Variants in WDFY4 observed in about 807,000 individuals in gnomAD.
WDFY4 encodes the protein WDFY family member 4.
A neutral mutation model predicts 351.9 loss-of-function variants in WDFY4; 169 were observed. That is an observed-to-expected ratio of 0.48 (90% CI 0.42 to 0.55). The LOEUF (loss-of-function observed/expected upper bound fraction) is 0.55, where lower values mean the gene tolerates loss of function less well. Among genes scored for constraint, WDFY4 ranks in the 20% least tolerant of loss-of-function variants. WDFY4 has a pLI of 0.00. For missense variants in WDFY4, 3,803 were observed against 3,935.6 expected, an observed-to-expected ratio of 0.97 and a Z score of 0.90; for synonymous variants, 1,622 against 1,574.6, an observed-to-expected ratio of 1.03 and a Z score of -0.71.
chr10:48,890,837 G>T (rs1412132500), intron 44 of WDFY4, 110 bp downstream of exon 44: 5 of 1,439,426 alleles, frequency 3.5e-6, no homozygotes, highest in Non-Finnish European at 3.8e-6. Flanking sequence ...CTTAGATTTG[G>T]GCCTGAAACT....
intron 60 of WDFY4, 44 bp downstream of exon 60, chr10:48,978,437 C>T (rs1013431199): frequency 4.7e-6 from 7 of 1,501,494 alleles, no homozygotes; most frequent in Non-Finnish European, 5.4e-6. Flanking sequence ...CCTTGCCCTG[C>T]CCTCCTCACC....
At chr10:48,944,556 G>T (rs540732723) in intron 49 of WDFY4, among the ~76,000 whole-genome samples, 1 of 152,248 alleles carries the variant, frequency 6.6e-6, no homozygotes, top group Admixed American at 6.5e-5. Flanking sequence ...CCAGTCCTGC[G>T]TAGGGCTGCT....
At chr10:48,854,369 A>G (rs1314589638) in intron 39 of WDFY4, among the ~76,000 whole-genome samples, 1 of 152,106 alleles carries the variant, frequency 6.6e-6, no homozygotes, top group African/African-American at 2.4e-5. Flanking sequence ...TCGGCCTCCC[A>G]AAGTGCTGGG....
chr10:48,706,927 T>C (rs747111857), intron 1 of WDFY4, among the ~76,000 whole-genome samples: 1 of 152,200 alleles, frequency 6.6e-6, no homozygotes, highest in Non-Finnish European at 1.5e-5. Context: ...TTGAGGATCT[T>C]AAGTGATGTG....
At chr10:48,875,196 T>A in intron 42 of WDFY4, 56 bp downstream of exon 42, 2 of 1,006,522 alleles carry the variant, frequency 2.0e-6, no homozygotes, top group Non-Finnish European at 2.7e-6. Context: ...TGGTTTTATT[T>A]AATATTTTAT....
intron 47 of WDFY4, chr10:48,914,255 C>G (rs1041255654): frequency 1.6e-5 from 21 of 1,347,234 alleles, no homozygotes; most frequent in Non-Finnish European, 2.1e-5. Flanking sequence ...AAGAAAACAT[C>G]TGGTTAGGAG....
intron 19 of WDFY4, among the ~76,000 whole-genome samples, chr10:48,782,053 T>C (rs890492526): frequency 5.3e-5 from 8 of 152,158 alleles, no homozygotes; most frequent in Non-Finnish European, 1.0e-4. Flanking sequence ...CTGTTCTGAA[T>C]TGGGTGCTGC....
At chr10:48,890,054 G>A (rs560311990) in intron 43 of WDFY4, among the ~76,000 whole-genome samples, 74 of 152,324 alleles carry the variant, frequency 4.9e-4, no homozygotes, top group African/African-American at 1.7e-3. Context: ...AAGGATCTGG[G>A]CAGAGCACCG....
At chr10:48,918,517 A>G (rs1260810723) in intron 47 of WDFY4, among the ~76,000 whole-genome samples, 2 of 152,262 alleles carry the variant, frequency 1.3e-5, no homozygotes, top group African/African-American at 2.4e-5. Context: ...TTTAACCAAT[A>G]GGACAAAAAA....
chr10:48,827,341 C>T (rs1372371388), intron 36 of WDFY4, among the ~76,000 whole-genome samples: 2 of 151,534 alleles, frequency 1.3e-5, no homozygotes, highest in South Asian at 2.1e-4. Flanking sequence ...ATTACATATG[C>T]ATACAATGTA....
At position 48,970,126 on chromosome 10, in the gene WDFY4, T is replaced by G; in HGVS notation, c.8770-5T>G. ...AGCAGCGCTCATCCCCCTTATCTCC[T>G]ACAGGTCCTGATGACATTCGAGAAC... On this transcript the variant is annotated splice_region_variant and splice_polypyrimidine_tract_variant and intron_variant, in intron 56 of 61. Transcript: ENST00000325239. 4 of 1,551,372 alleles carry G rather than the reference T, an allele frequency of 2.6e-6. No homozygotes were observed. The highest frequency in any genetic ancestry group is 3.5e-6 in the Non-Finnish European group (4 of 1,146,912).
At chr10:48,713,324 T>C (rs1284179418) in intron 2 of WDFY4, among the ~76,000 whole-genome samples, 1 of 152,258 alleles carries the variant, frequency 6.6e-6, no homozygotes, top group Non-Finnish European at 1.5e-5. Context: ...GAGCTACTTC[T>C]TTGGCATCTT....
In WDFY4 at chr10:48,957,288, T is replaced by C. The variant is rs1395217449; in HGVS notation, c.8131+6T>C. 6.5e-7 allele frequency: 1 copy of C among 1,550,112 alleles called. No homozygotes were observed. Among genetic ancestry groups the C allele is most frequent in the Non-Finnish European group, 8.7e-7 (1 of 1,145,730 alleles). ...CTGCAACGGGGTAGAGTTCGGTAAG[T>C]GGAGGCCTGGTGAGGCCGGGTGAGT... is the stretch of plus-strand genomic sequence containing the variant. On this transcript the variant is annotated splice_donor_region_variant and intron_variant, in intron 52 of 61. Coordinates refer to ENST00000325239, the MANE Select transcript of WDFY4 (RefSeq NM_001394531.1).
chr10:48,943,227 C>T, intron 48 of WDFY4, 103 bp from the exon 49 acceptor site: 1 of 1,401,006 alleles, frequency 7.1e-7, no homozygotes, highest in Non-Finnish European at 9.6e-7. Context: ...CCTGTCCTCA[C>T]CCACAGAGCC....
At position 48,742,953 on chromosome 10, in the gene WDFY4, T is replaced by C. The variant is rs778552839; in HGVS notation, c.1879-15T>C. On this transcript the variant is annotated splice_polypyrimidine_tract_variant and intron_variant, in intron 11 of 61. Coordinates refer to ENST00000325239, the MANE Select transcript of WDFY4 (RefSeq NM_001394531.1). ...CTCCTGGAGTGCACTCATTTTGATT[T>C]GCTTGGTGTTTCAGTCTCTGCTCCG... 83 of 1,534,042 alleles carry C rather than the reference T, an allele frequency of 5.4e-5. No individual in the cohort carries two copies. Among genetic ancestry groups the C allele is most frequent in the Non-Finnish European group, 7.1e-5 (81 of 1,139,218 alleles).
At chr10:48,699,249 G>A (rs1280927115) in intron 1 of WDFY4, among the ~76,000 whole-genome samples, 2 of 152,210 alleles carry the variant, frequency 1.3e-5, no homozygotes, top group Non-Finnish European at 2.9e-5. Context: ...GAGACAGCAG[G>A]CAGAGAAGGA....
chr10:48,722,428 A>C (rs1018274185), intron 4 of WDFY4, among the ~76,000 whole-genome samples: 1 of 152,196 alleles, frequency 6.6e-6, no homozygotes, highest in Non-Finnish European at 1.5e-5. Flanking sequence ...GAGGAGGTCA[A>C]GGTTAACAAG....
At chr10:48,828,931 G>C (rs1292092944) in intron 37 of WDFY4, 35 bp downstream of exon 37, 6 of 299,026 alleles carry the variant, frequency 2.0e-5, no homozygotes, top group Non-Finnish European at 3.3e-5. Flanking sequence ...TGTGGGCGGG[G>C]GGGGGGCGGG....
At chr10:48,953,097 C>A (rs1841408004) in intron 51 of WDFY4, among the ~76,000 whole-genome samples, 1 of 152,246 alleles carries the variant, frequency 6.6e-6, no homozygotes, top group Non-Finnish European at 1.5e-5. Flanking sequence ...TCCTCACTTC[C>A]CCCTGTACCC....
Sources: gnomAD v4.1 joint callset for allele counts (sites outside exome capture counted in the v4.1 genomes callset) on GRCh38, gnomAD v4.1.1 for gene constraint, MANE v1.5 for transcripts, NCBI Gene and HGNC (gene_info 2026-07-23, HGNC 2026-07-21) for gene names.